The following MCMBP variants were observed in gnomAD, a reference collection of about 807,000 sequenced individuals.
MCMBP encodes the protein minichromosome maintenance complex binding protein.
In MCMBP, 31 loss-of-function variants were observed where a neutral mutation model predicts 81.3. That is an observed-to-expected ratio of 0.38 (90% CI 0.29 to 0.51). The LOEUF is 0.51. Among genes scored for constraint, MCMBP ranks in the 20% least tolerant of loss-of-function variants. The pLI is 0.87. For synonymous variants in MCMBP, 267 were observed against 275.9 expected, an observed-to-expected ratio of 0.97 and a Z score of 0.32; for missense variants, 645 against 772.1, an observed-to-expected ratio of 0.84 and a Z score of 1.95.
rs972350155 is a variant in MCMBP at position 119,858,762 on chromosome 10, C to T, written c.327+122G>A. ...CCTAAATAAAACCAAATAAGGAAAA[C>T]ATTTCACATGATTTCTTGTAACTTA... On this transcript the variant is annotated intron_variant, in intron 4 of 15. Coordinates refer to ENST00000369077, the MANE Select transcript of MCMBP (RefSeq NM_001256378.2). 3 of 777,506 alleles carry T rather than the reference C, an allele frequency of 3.9e-6. No homozygotes were observed. The African/African-American group carries it at 5.4e-5, about 14-fold the overall frequency. 48.2% of individuals were successfully genotyped at this position (777,506 alleles called of 1,614,324 possible). A position where few individuals can be genotyped will look rare whatever the true frequency, so the allele number is the denominator to read the frequency against.
At chr10:119,833,709 G>T (rs184596385) in intron 14 of MCMBP, among the ~76,000 whole-genome samples, 6 of 152,118 alleles carry the variant, frequency 3.9e-5, no homozygotes, top group African/African-American at 1.4e-4. Flanking sequence ...AAAGTACAAA[G>T]AAACCAGAAG....
chr10:119,849,516 G>C lies in MCMBP; in HGVS notation c.635C>G (p.Thr212Ser). 1 of 1,608,524 alleles carries C rather than the reference G, an allele frequency of 6.2e-7. No homozygotes were observed. Among genetic ancestry groups the C allele is most frequent in the South Asian group, 1.1e-5 (1 of 89,974 alleles). Residue 212 changes from threonine to serine, a missense_variant, in exon 7 of 16, where the codon ACT (threonine) becomes AGT (serine). Transcript: ENST00000369077. ...GTTCAGAGAGTTCAGCTGTTGCCCA[G>C]TAGAAGCTTCAGTTTCTAAACGTTT... ...EPKRLETEAS[T>S]GQQLNSLNLS... is the part of the protein sequence containing the mutation.
At chr10:119,866,259 G>A (rs1409027361) in intron 1 of MCMBP, among the ~76,000 whole-genome samples, 1 of 152,210 alleles carries the variant, frequency 6.6e-6, no homozygotes, top group Non-Finnish European at 1.5e-5. Context: ...AAGTATAGTT[G>A]TTGCCAGAGA....
rs141173267 is a variant in MCMBP, at chr10:119,866,028, C to T, written c.59-6144G>A. Among the ~76,000 whole-genome samples the T allele has an allele frequency of 5.2e-3, 786 of 150,710 alleles. 6 individuals are homozygous for T. The highest frequency in any genetic ancestry group is 0.014 in the African/African-American group (588 of 40,950). ...ACTTGAGACTGGAAGTTCAAGGCTG[C>T]GGTGAACCATGATCTTGCCACACAG... On this transcript the variant is annotated intron_variant, in intron 1 of 15. Coordinates refer to ENST00000369077, the MANE Select transcript of MCMBP (RefSeq NM_001256378.2).
chr10:119,863,947 G>T (rs61869116), intron 1 of MCMBP, among the ~76,000 whole-genome samples: 8,372 of 151,596 alleles, frequency 0.055, 417 homozygotes, highest in South Asian at 0.27. Flanking sequence ...AACTTGTAAA[G>T]ATATGTTACA....
intron 4 of MCMBP, chr10:119,857,974 T>G (rs1853112614): frequency 6.6e-6 from 1 of 152,278 alleles, no homozygotes; most frequent in African/African-American, 2.4e-5. Flanking sequence ...TGAACTCATT[T>G]GAAAGATAGA....
At position 119,849,538 on chromosome 10, in the gene MCMBP, G is replaced by A. The variant is rs371828360; in HGVS notation, c.613C>T (p.Arg205Cys). 2.5e-6 allele frequency: 4 copies of A among 1,607,114 alleles called. No individual in the cohort carries two copies. The highest frequency in any genetic ancestry group is 3.4e-6 in the Non-Finnish European group (4 of 1,178,058). The change falls in exon 7 of 16, where the codon CGT (arginine) becomes TGT (cysteine). Residue 205 changes from arginine (R) to cysteine (C), a missense_variant. Transcript: ENST00000369077. ...GGLQWCGEPKRLETEASTGQQ... is the reference protein window; with the variant it reads ...GGLQWCGEPKCLETEASTGQQ... ...CCAGTAGAAGCTTCAGTTTCTAAAC[G>A]TTTTGGCTCTCCACACCATTGAAGA... is the stretch of plus-strand genomic sequence containing the variant.
intron 8 of MCMBP, among the ~76,000 whole-genome samples, chr10:119,845,655 G>C (rs1398153911): frequency 3.3e-5 from 5 of 152,150 alleles, no homozygotes. Flanking sequence ...TCACACTGAA[G>C]GGGAAGAAAA....
chr10:119,853,008 T>C (rs1257064051), intron 6 of MCMBP, 42 bp downstream of exon 6: 2 of 1,609,130 alleles, frequency 1.2e-6, no homozygotes, highest in Non-Finnish European at 1.7e-6. Flanking sequence ...CAATCTACTG[T>C]AAGAGAGCAA....
intron 1 of MCMBP, among the ~76,000 whole-genome samples, chr10:119,870,036 G>C (rs1853613484): frequency 6.6e-6 from 1 of 152,198 alleles, no homozygotes. Context: ...CATTTAAATA[G>C]CCACACATGG....
rs1852887787 is a variant in MCMBP, at chr10:119,853,064, C to T, written c.560G>A (p.Gly187Asp). 1.9e-6 allele frequency: 3 copies of T among 1,614,082 alleles called. No homozygotes were observed. The highest frequency in any genetic ancestry group is 2.5e-6 in the Non-Finnish European group (3 of 1,179,972). The change falls in exon 6 of 16, where the codon GGT becomes GAT. Residue 187 changes from glycine (G) to aspartate (D), a missense_variant. Transcript: ENST00000369077. ...GCACACACTACCTGCTTGTCTGGCA[C>T]CTGCATGTTGGTCTTTCTGCTTATT... ...QPNKQKDQHA[G>D]ARQAGSVGGL...
chr10:119,850,237 C>T (rs1852761116), intron 6 of MCMBP, among the ~76,000 whole-genome samples: 1 of 152,030 alleles, frequency 6.6e-6, no homozygotes, highest in African/African-American at 2.4e-5. Flanking sequence ...AAGACAATCC[C>T]CAAAGTTTAT....
At chr10:119,832,881 T>C (rs1852096279) in intron 14 of MCMBP, among the ~76,000 whole-genome samples, 1 of 152,180 alleles carries the variant, frequency 6.6e-6, no homozygotes, top group African/African-American at 2.4e-5. Context: ...ATGGAAAAGC[T>C]AGCTGGGAAA....
chr10:119,848,543 G>A (rs1852699921), intron 7 of MCMBP, among the ~76,000 whole-genome samples: 1 of 152,098 alleles, frequency 6.6e-6, no homozygotes, highest in South Asian at 2.1e-4. Context: ...AACCCAGGAG[G>A]TAGAAGTTGC....
intron 12 of MCMBP, 104 bp downstream of exon 12, chr10:119,838,431 G>C (rs1409169433): frequency 9.1e-7 from 1 of 1,098,530 alleles, no homozygotes; most frequent in Non-Finnish European, 1.3e-6. Flanking sequence ...ATCTTACGTT[G>C]TTAAATGTGA....
At chr10:119,843,161 A>C in intron 9 of MCMBP, 93 bp downstream of exon 9, 1 of 1,361,392 alleles carries the variant, frequency 7.3e-7, no homozygotes, top group Non-Finnish European at 1.1e-6. Context: ...TGAAGACCTG[A>C]CTCTCAATTC....
intron 12 of MCMBP, among the ~76,000 whole-genome samples, chr10:119,837,540 C>T (rs192952266): frequency 1.5e-3 from 226 of 152,248 alleles, no homozygotes; most frequent in African/African-American, 5.2e-3. Flanking sequence ...TAATATATTC[C>T]GCAACTGAGG....
chr10:119,842,296 G>GA (rs11427128), intron 10 of MCMBP, among the ~76,000 whole-genome samples, 176 bp downstream of exon 10: 24,945 of 152,104 alleles, frequency 0.16, 2,231 homozygotes, highest in South Asian at 0.44. Context: ...TGCTAAATGT[G>GA]AACTGTGAGA....
At chr10:119,832,964 T>G (rs145513266) in intron 14 of MCMBP, among the ~76,000 whole-genome samples, 22 of 152,292 alleles carry the variant, frequency 1.4e-4, no homozygotes, top group Admixed American at 3.9e-4. Flanking sequence ...GCAGACATGC[T>G]CAGAGACCAT....
Sources: gnomAD v4.1 joint callset for allele counts (sites outside exome capture counted in the v4.1 genomes callset) on GRCh38, gnomAD v4.1.1 for gene constraint, MANE v1.5 for transcripts, NCBI Gene and HGNC (gene_info 2026-07-23, HGNC 2026-07-21) for gene names.